The following UGT1A6 variants were observed in gnomAD, a reference collection of about 807,000 sequenced individuals.
The protein encoded by UGT1A6 is UDP glucuronosyltransferase family 1 member A6, also known as UDP-glucuronosyltransferase 1A6.
Under a neutral mutation model 44.4 loss-of-function variants are expected in UGT1A6, and 32 were observed. The observed-to-expected ratio is 0.72, with a 90% CI of 0.54 to 0.97. The LOEUF is 0.97. UGT1A6 is among the 50% of genes least tolerant of loss of function. The probability of loss-of-function intolerance (pLI) is 0.00; values close to 1 mark genes in which losing one functional copy is unlikely to be tolerated. For missense variants in UGT1A6, 685 were observed against 661.9 expected, an observed-to-expected ratio of 1.03 and a Z score of -0.38; for synonymous variants, 238 against 248.5, an observed-to-expected ratio of 0.96 and a Z score of 0.40.
intron 1 of UGT1A6, among the ~76,000 whole-genome samples, chr2:233,703,634 G>A (rs943242001): frequency 1.3e-5 from 2 of 151,830 alleles, no homozygotes; most frequent in Admixed American, 1.3e-4. Context: ...TCTGATATTA[G>A]TATAACCAAT....
intron 1 of UGT1A6, chr2:233,760,693 C>T (rs1697531217): frequency 1.9e-6 from 3 of 1,614,162 alleles, no homozygotes; most frequent in Non-Finnish European, 2.5e-6. Flanking sequence ...CAACAAGGAG[C>T]TCATGGCCTC....
chr2:233,757,071 A>G (rs1696390721), intron 1 of UGT1A6, among the ~76,000 whole-genome samples: 1 of 151,466 alleles, frequency 6.6e-6, no homozygotes. Context: ...GGGATCCAGA[A>G]TGGCTAGAGG....
intron 1 of UGT1A6, chr2:233,717,654 A>G (rs1175900251): frequency 1.5e-5 from 6 of 405,858 alleles, no homozygotes; most frequent in Admixed American, 1.3e-4. Flanking sequence ...CAGGACAAGG[A>G]AGCATCAGCA....
In UGT1A6 at chr2:233,772,930, T is replaced by A; in HGVS notation, c.*371T>A. On this transcript the variant is annotated 3_prime_UTR_variant, in exon 5 of 5. Coordinates refer to ENST00000305139, the MANE Select transcript of UGT1A6 (RefSeq NM_001072.4). ...CCTACTGCAAATGGCAGTTTTAATC[T>A]TATCTTTTGGCTTCTGCAGATGGTT... The A allele has an allele frequency of 2.9e-6, 1 of 350,402 alleles. No individual in the cohort carries two copies. The highest frequency in any genetic ancestry group is 3.0e-5 in the South Asian group (1 of 32,922). The allele number at this position is 350,402 out of a possible 1,614,324, so 21.7% of individuals were successfully genotyped here.
At chr2:233,700,719 T>A (rs551815415) in intron 1 of UGT1A6, among the ~76,000 whole-genome samples, 5 of 152,300 alleles carry the variant, frequency 3.3e-5, no homozygotes, top group East Asian at 1.9e-4. Context: ...TTTCTTTTTT[T>A]AAAAATTTTA....
chr2:233,699,790 CT>C (rs1163092717), intron 1 of UGT1A6, among the ~76,000 whole-genome samples: 4 of 152,194 alleles, frequency 2.6e-5, no homozygotes, highest in African/African-American at 9.7e-5. Flanking sequence ...GTTTCCTCCT[CT>C]CATATTCTGG....
At chr2:233,729,021 C>G in intron 1 of UGT1A6, 4 of 1,593,202 alleles carry the variant, frequency 2.5e-6, no homozygotes, top group Non-Finnish European at 3.4e-6. Context: ...TCCAATTACA[C>G]GTTGATTTGC....
intron 1 of UGT1A6, chr2:233,729,156 GT>G (rs1390322466): frequency 4.5e-5 from 73 of 1,613,462 alleles, no homozygotes; most frequent in Middle Eastern, 1.7e-4. Flanking sequence ...TTCCCCTGCC[GT>G]GGCTGGCCAC....
rs1696611113 is a variant in UGT1A6 at position 233,757,545 on chromosome 2, T to TATAC, written c.862-9486_862-9485insCATA. 2.9e-4 allele frequency among the ~76,000 whole-genome samples: 19 copies of TATAC among 65,910 alleles called. 1 individual carries two copies. The highest frequency in any genetic ancestry group is 6.3e-4 in the African/African-American group (10 of 15,854). The allele number at this position is 65,910 out of a possible 152,430, so 43.2% of individuals were successfully genotyped here. On this transcript the variant is annotated intron_variant, in intron 1 of 4. Coordinates refer to ENST00000305139, the MANE Select transcript of UGT1A6 (RefSeq NM_001072.4). ...ATCTTGCCTGTAAGGAATATATATA[T>TATAC]ATATATATATATATATGTATATATG...
chr2:233,751,498 G>T (rs1694741950), intron 1 of UGT1A6, among the ~76,000 whole-genome samples: 1 of 152,208 alleles, frequency 6.6e-6, no homozygotes, highest in Non-Finnish European at 1.5e-5. Flanking sequence ...CATGAGATTT[G>T]GGAGGGGCCA....
At position 233,772,691 on chromosome 2, in the gene UGT1A6, T is replaced by G. The variant is rs1314986383; in HGVS notation, c.*132T>G. ...TTGCATAAATTAATCAGCCCCAGAG[T>G]GCTTTAAAAAATTCTCTTAAATAAA... On this transcript the variant is annotated 3_prime_UTR_variant, in exon 5 of 5. Transcript: ENST00000305139. 1 of 1,488,486 alleles carries G rather than the reference T, an allele frequency of 6.7e-7. No individual in the cohort carries two copies. Among genetic ancestry groups the G allele is most frequent in the African/African-American group, 1.4e-5 (1 of 70,486 alleles). The allele number at this position is 1,488,486 out of a possible 1,614,324, so 92.2% of individuals were successfully genotyped here. A position where few individuals can be genotyped will look rare whatever the true frequency, so the allele number is the denominator to read the frequency against.
intron 1 of UGT1A6, chr2:233,729,375 G>C: frequency 6.2e-7 from 1 of 1,614,010 alleles, no homozygotes; most frequent in Non-Finnish European, 8.5e-7. Context: ...ATGCCATTTC[G>C]TGGACCCAGG....
chr2:233,762,605 G>T (rs1247129136), intron 1 of UGT1A6, among the ~76,000 whole-genome samples: 1 of 152,120 alleles, frequency 6.6e-6, no homozygotes, highest in Non-Finnish European at 1.5e-5. Flanking sequence ...TATTCCAGGA[G>T]TTTTGTTGTT....
At chr2:233,705,261 G>A (rs1042123676) in intron 1 of UGT1A6, among the ~76,000 whole-genome samples, 1 of 152,140 alleles carries the variant, frequency 6.6e-6, no homozygotes, top group Admixed American at 6.5e-5. Context: ...ATTCTATGGG[G>A]TCACTTGCTT....
intron 1 of UGT1A6, among the ~76,000 whole-genome samples, chr2:233,716,998 C>A (rs2076539575): frequency 6.6e-6 from 1 of 152,190 alleles, no homozygotes; most frequent in African/African-American, 2.4e-5. Context: ...GTCCTCAGGG[C>A]CCCTATGTCT....
At chr2:233,749,097 G>C (rs753925486) in intron 1 of UGT1A6, among the ~76,000 whole-genome samples, 1 of 151,770 alleles carries the variant, frequency 6.6e-6, no homozygotes, top group Non-Finnish European at 1.5e-5. Context: ...TATTTCATGA[G>C]AGAATTCAGC....
chr2:233,703,753 TA>T (rs1452282622), intron 1 of UGT1A6, among the ~76,000 whole-genome samples: 1 of 152,214 alleles, frequency 6.6e-6, no homozygotes. Context: ...ATCTCAAATG[TA>T]TCTTCTGCAG....
chr2:233,697,105 G>T (rs895107296), intron 1 of UGT1A6, among the ~76,000 whole-genome samples: 9 of 152,066 alleles, frequency 5.9e-5, no homozygotes, highest in Non-Finnish European at 1.3e-4. Context: ...GATGAGTTTG[G>T]AAGTATTCTC....
intron 1 of UGT1A6, among the ~76,000 whole-genome samples, chr2:233,736,630 T>C (rs2078786520): frequency 1.3e-5 from 2 of 152,252 alleles, no homozygotes; most frequent in African/African-American, 4.8e-5. Flanking sequence ...TTTTCTGCTC[T>C]AGTTTCCCCC....
Sources: allele counts gnomAD v4.1 joint callset (sites outside exome capture counted in the v4.1 genomes callset), GRCh38; gene constraint gnomAD v4.1.1; transcripts MANE v1.5; gene names NCBI Gene and HGNC (gene_info 2026-07-23, HGNC 2026-07-21).